Variants in ADGRL3 observed in about 807,000 individuals in gnomAD.
ADGRL3 encodes calcium-independent alpha-latrotoxin receptor 3.
ADGRL3 carries 62 observed loss-of-function variants against 153.5 expected under a neutral mutation model. The ratio of observed to expected loss-of-function variants is 0.40; its 90% CI spans 0.33 to 0.50. The LOEUF is 0.50. Ranked by LOEUF, ADGRL3 falls within the 20% of genes least tolerant of loss-of-function variation. ADGRL3 has a pLI of 0.47. For missense variants in ADGRL3, 1,641 were observed against 1,859.4 expected (o/e 0.88, Z 2.16); for synonymous variants, 710 against 672.5 (o/e 1.06, Z -0.86).
chr4:61,863,400 G>A (rs1426745764), intron 9 of ADGRL3, among the ~76,000 whole-genome samples: 1 of 151,356 alleles, frequency 6.6e-6, no homozygotes, highest in African/African-American at 2.4e-5. Context: ...ACTACGCCCG[G>A]CTAATTTTTT....
intron 9 of ADGRL3, among the ~76,000 whole-genome samples, chr4:61,882,492 A>G (rs2098514379): frequency 1.3e-5 from 2 of 152,120 alleles, no homozygotes; most frequent in African/African-American, 4.8e-5. Context: ...AAGTGATCCT[A>G]TTAAGTGAAA....
chr4:61,711,662 G>C (rs1324700777), intron 6 of ADGRL3, among the ~76,000 whole-genome samples: 1 of 150,990 alleles, frequency 6.6e-6, no homozygotes, highest in Non-Finnish European at 1.5e-5. Flanking sequence ...TAACATTTAT[G>C]GACAGAAAAA....
At chr4:61,395,345 C>T (rs1400308267) in intron 2 of ADGRL3, among the ~76,000 whole-genome samples, 2 of 151,822 alleles carry the variant, frequency 1.3e-5, no homozygotes, top group South Asian at 2.1e-4. Flanking sequence ...TTATAAAAAC[C>T]TTTGCTGTAT....
intron 4 of ADGRL3, among the ~76,000 whole-genome samples, chr4:61,539,705 C>G (rs2098679207): frequency 6.6e-6 from 1 of 152,140 alleles, no homozygotes. Context: ...GGGAAGTTCA[C>G]AGATCACCAC....
At chr4:61,355,028 A>C (rs924524015) in intron 1 of ADGRL3, among the ~76,000 whole-genome samples, 14 of 152,146 alleles carry the variant, frequency 9.2e-5, no homozygotes, top group Non-Finnish European at 1.5e-4. Flanking sequence ...CCTTAAAAGT[A>C]GCAATACAAA....
intron 2 of ADGRL3, among the ~76,000 whole-genome samples, chr4:61,481,921 A>C (rs1467933662): frequency 1.3e-5 from 2 of 152,164 alleles, no homozygotes; most frequent in African/African-American, 4.8e-5. Flanking sequence ...TACTAAGATA[A>C]ATCTTCATAA....
intron 1 of ADGRL3, among the ~76,000 whole-genome samples, chr4:61,265,541 A>G (rs2092798821): frequency 6.6e-6 from 1 of 151,866 alleles, no homozygotes; most frequent in African/African-American, 2.4e-5. Context: ...ATTCTAAGCA[A>G]CCTCCAATTT....
At chr4:61,864,932 G>T (rs890036065) in intron 9 of ADGRL3, among the ~76,000 whole-genome samples, 7 of 152,110 alleles carry the variant, frequency 4.6e-5, no homozygotes, top group Admixed American at 4.6e-4. Flanking sequence ...TTTTGTTGTT[G>T]TTTTGTTTGA....
chr4:61,647,700 A>G (rs2094081958), intron 5 of ADGRL3, among the ~76,000 whole-genome samples: 1 of 152,222 alleles, frequency 6.6e-6, no homozygotes. Flanking sequence ...GAAATTATCA[A>G]TAAGAATGCA....
intron 6 of ADGRL3, among the ~76,000 whole-genome samples, chr4:61,711,239 G>C (rs913220197): frequency 2.6e-5 from 4 of 151,700 alleles, no homozygotes; most frequent in Non-Finnish European, 5.9e-5. Context: ...CAGACAATGT[G>C]ACCAAATTGT....
chr4:61,703,455 G>C (rs1367708182), intron 6 of ADGRL3, among the ~76,000 whole-genome samples: 2 of 151,996 alleles, frequency 1.3e-5, no homozygotes, highest in African/African-American at 4.8e-5. Flanking sequence ...TGAGAAATTA[G>C]TATTTAATTA....
rs569418849 is a variant in ADGRL3, at chr4:61,840,799, C to A, written c.1480+26910C>A. On this transcript the variant is annotated intron_variant, in intron 9 of 26. Transcript: ENST00000683033. ...AGAAAAAGGTTTGAAATAATTAATGCTGCTTCTGAATGATTTATCAAAACA... is the reference window on the plus strand; with the variant it reads ...AGAAAAAGGTTTGAAATAATTAATGATGCTTCTGAATGATTTATCAAAACA... 4.1e-4 allele frequency among the ~76,000 whole-genome samples: 62 copies of A among 152,258 alleles called. 1 individual carries two copies. The highest frequency in any genetic ancestry group is 1.4e-3 in the South Asian group (7 of 4,830).
chr4:61,863,787 G>A (rs1006083809), intron 9 of ADGRL3, among the ~76,000 whole-genome samples: 1 of 152,188 alleles, frequency 6.6e-6, no homozygotes, highest in African/African-American at 2.4e-5. Context: ...CATGAGGGCA[G>A]TTTGAAGAGA....
At position 61,742,094 on chromosome 4, in the gene ADGRL3, A is replaced by G. The variant is rs1266113315; in HGVS notation, c.1399+8540A>G. 2.0e-5 allele frequency among the ~76,000 whole-genome samples: 3 copies of G among 152,278 alleles called. No homozygotes were observed. The East Asian group carries it at 5.8e-4, about 29-fold the overall frequency. On this transcript the variant is annotated intron_variant, in intron 8 of 26. Transcript: ENST00000683033. ...TTGGCACGTCTTTTAAGGGTTGGTA[A>G]CAGTGCCAAAAGTAATGATTATCTA...
intron 5 of ADGRL3, among the ~76,000 whole-genome samples, chr4:61,598,868 G>A (rs1359910149): frequency 3.3e-5 from 5 of 151,824 alleles, no homozygotes; most frequent in Non-Finnish European, 2.9e-5. Context: ...GGATGATAGA[G>A]CAGACATAAT....
At chr4:61,375,493 C>T (rs1273386171) in intron 1 of ADGRL3, among the ~76,000 whole-genome samples, 8 of 152,066 alleles carry the variant, frequency 5.3e-5, no homozygotes, top group Non-Finnish European at 1.5e-5. Context: ...CAAGTGTACT[C>T]CCTGAGTTAC....
intron 19 of ADGRL3, among the ~76,000 whole-genome samples, chr4:61,992,298 C>T (rs1370802562): frequency 2.0e-5 from 3 of 152,086 alleles, no homozygotes; most frequent in Non-Finnish European, 4.4e-5. Context: ...TACCTTGTAT[C>T]TAAATGTCAT....
Position 61,925,425 on chromosome 4 carries a change from T to C in ADGRL3, c.2113-9415T>C, listed in dbSNP as rs112975543. 2.0e-3 allele frequency among the ~76,000 whole-genome samples: 307 copies of C among 152,258 alleles called. 2 individuals are homozygous for C. Among genetic ancestry groups the C allele is most frequent in the African/African-American group, 6.9e-3 (285 of 41,550 alleles). On this transcript the variant is annotated intron_variant, in intron 13 of 26. Coordinates refer to ENST00000683033, the MANE Select transcript of ADGRL3 (RefSeq NM_001387552.1). ...CCTACTTAAATTTATGATGCGTGCA[T>C]TGTATTAGGCTGTTTTTGTGCTGCT...
chr4:61,872,196 A>C (rs897802826), intron 9 of ADGRL3, among the ~76,000 whole-genome samples: 3 of 152,170 alleles, frequency 2.0e-5, no homozygotes, highest in Admixed American at 1.3e-4. Flanking sequence ...GCTGGATCAT[A>C]GTGTGTGTCG....
Sources: gnomAD v4.1 joint callset for allele counts (sites outside exome capture counted in the v4.1 genomes callset) on GRCh38, gnomAD v4.1.1 for gene constraint, MANE v1.5 for transcripts, NCBI Gene and HGNC (gene_info 2026-07-23, HGNC 2026-07-21) for gene names.